The following ANO3 variants were observed in gnomAD, a reference collection of about 807,000 sequenced individuals.
The protein encoded by ANO3 is anoctamin-3.
ANO3 carries 99 observed loss-of-function variants against 144.8 expected under a neutral mutation model. That is an observed-to-expected ratio of 0.68 (90% CI 0.58 to 0.81). The LOEUF (loss-of-function observed/expected upper bound fraction) is 0.81. ANO3 is among the 30% of genes least tolerant of loss of function. ANO3 has a pLI of 0.00. For missense variants in ANO3, 905 were observed against 1,202.2 expected, an observed-to-expected ratio of 0.75 and a Z score of 3.66; for synonymous variants, 414 against 392.6, an observed-to-expected ratio of 1.05 and a Z score of -0.64.
chr11:26,215,079 A>G (rs993957226), intron 1 of ANO3, among the ~76,000 whole-genome samples: 1 of 151,950 alleles, frequency 6.6e-6, no homozygotes, highest in Non-Finnish European at 1.5e-5. Flanking sequence ...AATCACTGAA[A>G]TTAATCTTAA....
chr11:26,620,799 G>T (rs1037636407), intron 17 of ANO3, among the ~76,000 whole-genome samples: 10 of 152,212 alleles, frequency 6.6e-5, no homozygotes, highest in East Asian at 1.9e-4. Flanking sequence ...GTTACCACTG[G>T]TTACCAATTA....
chr11:26,373,696 C>T (rs1856326000), intron 1 of ANO3, among the ~76,000 whole-genome samples: 1 of 152,080 alleles, frequency 6.6e-6, no homozygotes, highest in African/African-American at 2.4e-5. Flanking sequence ...GAAACATAAT[C>T]ACACCTGGCT....
intron 1 of ANO3, among the ~76,000 whole-genome samples, chr11:26,341,769 TAAA>T (rs1855366720): frequency 6.6e-6 from 1 of 152,120 alleles, no homozygotes; most frequent in Admixed American, 6.6e-5. Flanking sequence ...AGCCTTCAGC[TAAA>T]GGCCCGGGAA....
intron 12 of ANO3, among the ~76,000 whole-genome samples, chr11:26,550,216 A>T (rs1423135268): frequency 1.6e-5 from 2 of 128,526 alleles, no homozygotes; most frequent in Non-Finnish European, 3.3e-5. Flanking sequence ...TAACACAATT[A>T]ATTAATGTTT....
chr11:26,595,960 C>T (rs1254390844), intron 14 of ANO3, among the ~76,000 whole-genome samples: 3 of 152,070 alleles, frequency 2.0e-5, no homozygotes, highest in Non-Finnish European at 2.9e-5. Context: ...TTGGGCCATT[C>T]GCGGGTTACT....
chr11:26,421,123 AT>A (rs977462712), intron 1 of ANO3, among the ~76,000 whole-genome samples: 8 of 151,950 alleles, frequency 5.3e-5, no homozygotes, highest in East Asian at 1.9e-4. Context: ...TAAGATAATA[AT>A]TTTTTTCCCT....
chr11:26,579,995 A>C (rs1232775636), intron 14 of ANO3, among the ~76,000 whole-genome samples: 1 of 152,104 alleles, frequency 6.6e-6, no homozygotes, highest in East Asian at 1.9e-4. Flanking sequence ...GAAGAGATAT[A>C]CAATTTTGGA....
chr11:26,653,131 T>C (rs1853584135), intron 24 of ANO3, among the ~76,000 whole-genome samples: 1 of 152,186 alleles, frequency 6.6e-6, no homozygotes, highest in Non-Finnish European at 1.5e-5. Context: ...CATGGATCGA[T>C]CTACGCTCAT....
chr11:26,276,973 C>CA (rs2133840945), intron 1 of ANO3, among the ~76,000 whole-genome samples: 1 of 152,210 alleles, frequency 6.6e-6, no homozygotes, highest in South Asian at 2.1e-4. Context: ...GGTCTAATTT[C>CA]AAGCAGTTGT....
chr11:26,593,734 A>G (rs1407688259), intron 14 of ANO3, among the ~76,000 whole-genome samples: 1 of 152,098 alleles, frequency 6.6e-6, no homozygotes, highest in African/African-American at 2.4e-5. Flanking sequence ...TCTTTTTTAA[A>G]GTGTCCGTGT....
rs1388439850 is a variant in ANO3, at chr11:26,235,545, G to GA, written c.154+46222dup. Among the ~76,000 whole-genome samples, 6 of 147,926 alleles carry GA rather than the reference G, an allele frequency of 4.1e-5. No homozygotes were observed. In the South Asian group the frequency reaches 8.5e-4, roughly 21 times the overall value. On this transcript the variant is annotated intron_variant, in intron 1 of 27. Transcript: ENST00000672621. ...TGAATGTGTTAACACATATTACTGT[G>GA]AAAAAAATAAGAGAAGAAAGCCTAT...
chr11:26,516,735 G>A lies in ANO3; in HGVS notation c.592-92G>A, dbSNP rs963511899. ...GTGTCAGTGATCATGCATAGTCAAG[G>A]GGACAATGTTCTTTATTCCCAAATC... On this transcript the variant is annotated intron_variant, in intron 5 of 26. Coordinates refer to ENST00000256737, the MANE Select transcript of ANO3 (RefSeq NM_031418.4). 18 of 805,586 alleles carry A rather than the reference G, an allele frequency of 2.2e-5. No individual in the cohort carries two copies. The Admixed American group carries it at 2.6e-4, about 12-fold the overall frequency. The allele number at this position is 805,586 out of a possible 1,614,324, so 49.9% of individuals were successfully genotyped here. A position where few individuals can be genotyped will look rare whatever the true frequency, so the allele number is the denominator to read the frequency against.
At chr11:26,341,121 TTTCTTTCTTTTCTTTC>T (rs1182277058) in intron 1 of ANO3, among the ~76,000 whole-genome samples, 3 of 149,580 alleles carry the variant, frequency 2.0e-5, no homozygotes, top group African/African-American at 7.6e-5. Flanking sequence ...TTCCTCTCTC[TTTCTTTCTTTTCTTTC>T]TTCTTTCTTT....
At chr11:26,489,287 G>A (rs1247214796) in intron 4 of ANO3, among the ~76,000 whole-genome samples, 1 of 152,218 alleles carries the variant, frequency 6.6e-6, no homozygotes, top group Non-Finnish European at 1.5e-5. Context: ...TCCACATGGT[G>A]TTGAGCCTGC....
At chr11:26,622,473 G>A (rs962789732) in intron 17 of ANO3, among the ~76,000 whole-genome samples, 1 of 151,810 alleles carries the variant, frequency 6.6e-6, no homozygotes, top group Non-Finnish European at 1.5e-5. Flanking sequence ...CATCATAGTG[G>A]TGTGTACCTG....
chr11:26,526,575 T>C (rs1455733363), intron 7 of ANO3, among the ~76,000 whole-genome samples: 1 of 152,172 alleles, frequency 6.6e-6, no homozygotes, highest in Non-Finnish European at 1.5e-5. Flanking sequence ...ATCTAGTTTC[T>C]TTACCAAATA....
chr11:26,293,827 G>A (rs763582471), intron 1 of ANO3, among the ~76,000 whole-genome samples: 45 of 151,806 alleles, frequency 3.0e-4, no homozygotes, highest in Non-Finnish European at 5.4e-4. Flanking sequence ...TTAATTCTCC[G>A]TAATAAGTTT....
chr11:26,347,720 T>C (rs1010557398), intron 1 of ANO3, among the ~76,000 whole-genome samples: 3 of 152,150 alleles, frequency 2.0e-5, no homozygotes, highest in Non-Finnish European at 4.4e-5. Flanking sequence ...AGAGAAGGCA[T>C]AGACAAAAGA....
intron 4 of ANO3, among the ~76,000 whole-genome samples, chr11:26,501,563 T>A (rs1025190907): frequency 2.0e-5 from 3 of 152,044 alleles, no homozygotes; most frequent in African/African-American, 7.2e-5. Context: ...ATTTTAAGCA[T>A]AGGCCAGGAA....
Sources: allele counts gnomAD v4.1 joint callset (sites outside exome capture counted in the v4.1 genomes callset), GRCh38; gene constraint gnomAD v4.1.1; transcripts MANE v1.5; gene names NCBI Gene and HGNC (gene_info 2026-07-23, HGNC 2026-07-21).